The following BANK1 variants were observed in gnomAD, a reference collection of about 807,000 sequenced individuals.
BANK1 encodes B cell scaffold protein with ankyrin repeats 1, also known as B-cell scaffold protein with ankyrin repeats.
Under a neutral mutation model 94.5 loss-of-function variants are expected in BANK1, and 95 were observed. That is an observed-to-expected ratio of 1.00 (90% confidence interval 0.85 to 1.19). The LOEUF is 1.19. Ranked by LOEUF, BANK1 falls within the 50% of genes most tolerant of loss-of-function variation. BANK1 has a pLI of 0.00. For synonymous variants in BANK1, 334 were observed against 308.4 expected (o/e 1.08, Z -0.87); for missense variants, 987 against 932.2 (o/e 1.06, Z -0.77).
intron 2 of BANK1, among the ~76,000 whole-genome samples, chr4:101,853,245 T>A (rs2148873421): frequency 6.6e-6 from 1 of 152,326 alleles, no homozygotes; most frequent in African/African-American, 2.4e-5. Context: ...AAGAAAACTT[T>A]TCTTCTCAGA....
chr4:102,031,213 TGTCC>T (rs1727295001), intron 10 of BANK1, among the ~76,000 whole-genome samples: 1 of 152,210 alleles, frequency 6.6e-6, no homozygotes, highest in Admixed American at 6.5e-5. Flanking sequence ...TTTTTTCAAG[TGTCC>T]GTTGGCTGCA....
chr4:101,828,544 T>C (rs907883622), intron 1 of BANK1, among the ~76,000 whole-genome samples: 4 of 152,000 alleles, frequency 2.6e-5, no homozygotes, highest in African/African-American at 9.7e-5. Flanking sequence ...TTTTCTGCTT[T>C]GGAACTTTAC....
chr4:101,798,470 ATG>A (rs1725237609), intron 1 of BANK1, among the ~76,000 whole-genome samples: 1 of 151,282 alleles, frequency 6.6e-6, no homozygotes. Context: ...AGATTTTCTT[ATG>A]TGTTTAAGAA....
intron 7 of BANK1, among the ~76,000 whole-genome samples, chr4:101,990,375 T>C (rs1351074452): frequency 6.6e-6 from 1 of 152,238 alleles, no homozygotes; most frequent in Non-Finnish European, 1.5e-5. Context: ...TATTGCATTC[T>C]GTGGTTACTC....
chr4:101,917,804 AT>A (rs1370329135), intron 6 of BANK1, among the ~76,000 whole-genome samples, 188 bp from the exon 7 acceptor site: 30 of 152,004 alleles, frequency 2.0e-4, no homozygotes, highest in African/African-American at 6.3e-4. Flanking sequence ...ATATTAGTTT[AT>A]ATTTATTTTA....
intron 7 of BANK1, among the ~76,000 whole-genome samples, chr4:101,980,554 A>G (rs2148927188): frequency 6.6e-6 from 1 of 151,918 alleles, no homozygotes; most frequent in South Asian, 2.1e-4. Flanking sequence ...TCTTTTGCAG[A>G]AGCTTTTTGG....
chr4:101,936,973 C>A (rs1281419378), intron 7 of BANK1, among the ~76,000 whole-genome samples: 3 of 151,528 alleles, frequency 2.0e-5, no homozygotes, highest in African/African-American at 7.3e-5. Context: ...GAAAGGAAAT[C>A]AGTATTTTGA....
chr4:101,922,876 T>A (rs1238904262), intron 7 of BANK1, among the ~76,000 whole-genome samples: 1 of 151,866 alleles, frequency 6.6e-6, no homozygotes, highest in Non-Finnish European at 1.5e-5. Flanking sequence ...AATCTGGCTA[T>A]CACAGAATTT....
intron 7 of BANK1, among the ~76,000 whole-genome samples, chr4:101,918,643 T>C (rs919703407): frequency 2.6e-5 from 4 of 152,100 alleles, no homozygotes; most frequent in Admixed American, 2.0e-4. Context: ...AACAAAGATA[T>C]GCACATTTTG....
chr4:101,858,663 T>C lies in BANK1; in HGVS notation c.624+3474T>C, dbSNP rs541148173. ...CACTGCTGCTATCCTGATGTTAAGA[T>C]AGAGACATTTGAAAAACCAGTTGAG... On this transcript the variant is annotated intron_variant, in intron 3 of 16. Coordinates refer to ENST00000322953, the MANE Select transcript of BANK1 (RefSeq NM_017935.5). 5.9e-5 allele frequency among the ~76,000 whole-genome samples: 9 copies of C among 152,306 alleles called. No homozygotes were observed. In the East Asian group the frequency reaches 1.7e-3, roughly 29 times the overall value.
At chr4:101,845,541 A>T (rs1203961179) in intron 2 of BANK1, among the ~76,000 whole-genome samples, 2 of 152,202 alleles carry the variant, frequency 1.3e-5, no homozygotes, top group Non-Finnish European at 2.9e-5. Flanking sequence ...TTTTAGACCA[A>T]GAAGAATCAT....
intron 7 of BANK1, among the ~76,000 whole-genome samples, chr4:101,986,792 T>C (rs1725494703): frequency 1.0e-5 from 1 of 99,332 alleles, no homozygotes; most frequent in East Asian, 2.5e-4. Context: ...TATGTGTGTA[T>C]ATATATGTGT....
chr4:101,881,828 C>T (rs1728686499), intron 5 of BANK1, among the ~76,000 whole-genome samples: 3 of 151,878 alleles, frequency 2.0e-5, no homozygotes. Context: ...GAAAGACAAA[C>T]ATCGCATGTT....
chr4:101,946,525 G>A (rs944817704), intron 7 of BANK1, among the ~76,000 whole-genome samples: 4 of 151,888 alleles, frequency 2.6e-5, no homozygotes, highest in South Asian at 2.1e-4. Context: ...AAATGCAGAC[G>A]CCTTTTGTTT....
intron 1 of BANK1, among the ~76,000 whole-genome samples, chr4:101,819,980 G>A (rs1422359996): frequency 2.0e-5 from 3 of 150,868 alleles, no homozygotes; most frequent in Non-Finnish European, 2.9e-5. Context: ...GTGCCACAAA[G>A]CCTAAAGTAT....
rs552246621 is a variant in BANK1, at chr4:101,815,053, G to T, written c.71-14755G>T. The stretch of plus-strand genomic sequence containing the variant: ...AGAAATATGACAAAGAATAAGGGAA[G>T]GGGGAAATCAAATATTGCCTTTGTT... On this transcript the variant is annotated intron_variant, in intron 1 of 16. Transcript: ENST00000322953. 8.5e-5 allele frequency among the ~76,000 whole-genome samples: 13 copies of T among 152,264 alleles called. No homozygotes were observed. The East Asian group carries it at 1.7e-3, about 20-fold the overall frequency.
chr4:101,890,945 C>A (rs1200538446), intron 5 of BANK1, among the ~76,000 whole-genome samples: 1 of 151,834 alleles, frequency 6.6e-6, no homozygotes, highest in Non-Finnish European at 1.5e-5. Flanking sequence ...ACCCATCCCC[C>A]ATTTATAATA....
At chr4:101,879,686 C>A (rs1728609302) in intron 5 of BANK1, among the ~76,000 whole-genome samples, 1 of 151,952 alleles carries the variant, frequency 6.6e-6, no homozygotes, top group African/African-American at 2.4e-5. Flanking sequence ...ATGCAAAAAT[C>A]CTCAACAAAA....
intron 7 of BANK1, among the ~76,000 whole-genome samples, chr4:101,981,190 T>C (rs1358253713): frequency 2.0e-5 from 3 of 152,136 alleles, no homozygotes; most frequent in Non-Finnish European, 4.4e-5. Flanking sequence ...TTGAGCCTGA[T>C]ACTCTCTCTG....
Sources: gnomAD v4.1 joint callset for allele counts (sites outside exome capture counted in the v4.1 genomes callset) on GRCh38, gnomAD v4.1.1 for gene constraint, MANE v1.5 for transcripts, NCBI Gene and HGNC (gene_info 2026-07-23, HGNC 2026-07-21) for gene names.